Variants in GLT1D1 observed in about 807,000 individuals in gnomAD.
GLT1D1 encodes glycosyltransferase 1 domain containing 1.
A neutral mutation model predicts 28.7 loss-of-function variants in GLT1D1; 21 were observed. The observed-to-expected ratio is 0.73, with a 90% CI of 0.52 to 1.05. The LOEUF (loss-of-function observed/expected upper bound fraction) is 1.05, where lower values mean the gene tolerates loss of function less well. Among genes scored for constraint, GLT1D1 ranks in the 50% least tolerant of loss-of-function variants. The probability of loss-of-function intolerance (pLI) is 0.00; values close to 1 mark genes in which losing one functional copy is unlikely to be tolerated. For synonymous variants in GLT1D1, 147 were observed against 124.8 expected (o/e 1.18, Z -1.19); for missense variants, 343 against 330.6 (o/e 1.04, Z -0.29).
intron 7 of GLT1D1, among the ~76,000 whole-genome samples, chr12:128,965,810 G>T (rs948775957): frequency 1.3e-5 from 2 of 152,034 alleles, no homozygotes; most frequent in South Asian, 4.2e-4. Flanking sequence ...CGGGAGGACC[G>T]CTTTAGCCTG....
At chr12:128,881,306 AG>A (rs1957035318) in intron 2 of GLT1D1, among the ~76,000 whole-genome samples, 1 of 149,682 alleles carries the variant, frequency 6.7e-6, no homozygotes, top group Admixed American at 6.7e-5. Flanking sequence ...TGAGGCAGGC[AG>A]ATCACTTGAA....
chr12:128,874,397 G>C (rs2135793853), intron 1 of GLT1D1, among the ~76,000 whole-genome samples: 1 of 150,772 alleles, frequency 6.6e-6, no homozygotes, highest in African/African-American at 2.4e-5. Context: ...GGCCAGGCTG[G>C]TCTTGAACTC....
chr12:128,867,644 G>C (rs190151884), intron 1 of GLT1D1, among the ~76,000 whole-genome samples: 11 of 152,290 alleles, frequency 7.2e-5, no homozygotes, highest in Admixed American at 4.6e-4. Context: ...TCCCCCAGCA[G>C]GCGCCAGTGC....
At chr12:128,958,394 CACATGAA>C (rs1877512826) in intron 7 of GLT1D1, among the ~76,000 whole-genome samples, 1 of 151,942 alleles carries the variant, frequency 6.6e-6, no homozygotes, top group Non-Finnish European at 1.5e-5. Flanking sequence ...CTTAGAGGTG[CACATGAA>C]ACATGCTCAG....
chr12:128,893,246 A>G (rs1451594440), intron 3 of GLT1D1, among the ~76,000 whole-genome samples: 1 of 152,202 alleles, frequency 6.6e-6, no homozygotes, highest in East Asian at 1.9e-4. Flanking sequence ...CTCTGTCTCA[A>G]AAACAAAAGA....
chr12:128,913,429 T>C (rs470731), intron 4 of GLT1D1, among the ~76,000 whole-genome samples: 99,860 of 152,028 alleles, frequency 0.66, 33,105 homozygotes, highest in East Asian at 0.84. Flanking sequence ...CTGTGTTGGC[T>C]AGGCTGATCT....
At chr12:128,973,547 C>G (rs535192912) in intron 7 of GLT1D1, among the ~76,000 whole-genome samples, 1 of 151,706 alleles carries the variant, frequency 6.6e-6, no homozygotes, top group South Asian at 2.1e-4. Flanking sequence ...GCAGATTTAC[C>G]GCCGCACTTT....
At chr12:128,926,499 G>A in intron 4 of GLT1D1, 45 bp downstream of exon 7, 3 of 1,019,628 alleles carry the variant, frequency 2.9e-6, no homozygotes, top group African/African-American at 1.6e-5. Context: ...AGAATTCCTT[G>A]TGGGCGCCCA....
At chr12:128,886,638 C>T (rs1868418692) in intron 2 of GLT1D1, among the ~76,000 whole-genome samples, 1 of 152,082 alleles carries the variant, frequency 6.6e-6, no homozygotes, top group Admixed American at 6.6e-5. Context: ...CTGGTGAGGT[C>T]TTCCTCACTC....
At chr12:128,879,052 T>C (rs917905323) in intron 2 of GLT1D1, among the ~76,000 whole-genome samples, 1 of 152,212 alleles carries the variant, frequency 6.6e-6, no homozygotes, top group South Asian at 2.1e-4. Context: ...CTTTGTAAGG[T>C]TGTCACTGAC....
chr12:128,945,101 G>A, intron 4 of GLT1D1: 1 of 700,682 alleles, frequency 1.4e-6, no homozygotes, highest in Non-Finnish European at 2.6e-6. Flanking sequence ...CCGCTGGAAA[G>A]GTGCTTTAGC....
At chr12:128,960,318 C>T (rs1660501708) in intron 7 of GLT1D1, among the ~76,000 whole-genome samples, 1 of 152,152 alleles carries the variant, frequency 6.6e-6, no homozygotes, top group Non-Finnish European at 1.5e-5. Flanking sequence ...GGTCTTCTTC[C>T]AATTTTACCT....
At position 128,927,162 on chromosome 12, in the gene GLT1D1, G is replaced by C; in HGVS notation, c.376-18164G>C. 1 of 1,529,754 alleles carries C rather than the reference G, an allele frequency of 6.5e-7. No homozygotes were observed. Among genetic ancestry groups the C allele is most frequent in the Non-Finnish European group, 8.8e-7 (1 of 1,141,118 alleles). The allele number at this position is 1,529,754 out of a possible 1,614,324, so 94.8% of individuals were successfully genotyped here. ...GTGATTGTGGGTCCTGAAGTAAGTT[G>C]ATGTGCAGTAAACACTTATCTCATC... On this transcript the variant is annotated intron_variant, in intron 4 of 7. Transcript: ENST00000281703.
intron 1 of GLT1D1, among the ~76,000 whole-genome samples, chr12:128,872,609 C>T (rs1392446558): frequency 1.3e-5 from 2 of 152,094 alleles, no homozygotes; most frequent in East Asian, 3.9e-4. Flanking sequence ...CACGCTCAGC[C>T]ATTAGTTGAT....
At chr12:128,930,974 A>G (rs1873798665) in intron 4 of GLT1D1, among the ~76,000 whole-genome samples, 2 of 151,118 alleles carry the variant, frequency 1.3e-5, no homozygotes, top group Admixed American at 6.6e-5. Flanking sequence ...CACCTCCCGG[A>G]GGAAATACGT....
intron 3 of GLT1D1, among the ~76,000 whole-genome samples, chr12:128,889,672 C>A (rs1868811495): frequency 2.6e-5 from 4 of 152,210 alleles, no homozygotes; most frequent in Admixed American, 2.6e-4. Flanking sequence ...CTGGACCAGC[C>A]CCCGCACTGT....
intron 4 of GLT1D1, among the ~76,000 whole-genome samples, chr12:128,924,795 G>A (rs1873020228): frequency 6.6e-6 from 1 of 152,192 alleles, no homozygotes; most frequent in Admixed American, 6.5e-5. Context: ...GAACGGGGCA[G>A]TGGGGAGAGT....
At chr12:128,962,193 A>T (rs997729415) in intron 7 of GLT1D1, among the ~76,000 whole-genome samples, 4 of 152,092 alleles carry the variant, frequency 2.6e-5, no homozygotes, top group Non-Finnish European at 5.9e-5. Context: ...TGCTCCAGTG[A>T]GGGGTTGAAC....
intron 6 of GLT1D1, among the ~76,000 whole-genome samples, chr12:128,957,107 C>A (rs1257579843): frequency 6.6e-6 from 1 of 152,202 alleles, no homozygotes; most frequent in Non-Finnish European, 1.5e-5. Flanking sequence ...TTTCCTTTTA[C>A]TTTTGTCTGC....
Sources: gnomAD v4.1 joint callset for allele counts (sites outside exome capture counted in the v4.1 genomes callset) on GRCh38, gnomAD v4.1.1 for gene constraint, MANE v1.5 for transcripts, NCBI Gene and HGNC (gene_info 2026-07-23, HGNC 2026-07-21) for gene names.